Variants in SPIDR observed in about 807,000 individuals in gnomAD.
The protein encoded by SPIDR is DNA repair-scaffolding protein.
SPIDR carries 93 observed loss-of-function variants against 104.6 expected under a neutral mutation model. The ratio of observed to expected loss-of-function variants is 0.89; its 90% CI spans 0.75 to 1.06. The LOEUF (loss-of-function observed/expected upper bound fraction) is 1.06. SPIDR is among the 50% of genes least tolerant of loss of function. The probability of loss-of-function intolerance (pLI) is 0.00; values close to 1 mark genes in which losing one functional copy is unlikely to be tolerated. For missense variants in SPIDR, 1,154 were observed against 1,111.2 expected (o/e 1.04, Z -0.55); for synonymous variants, 431 against 416.9 (o/e 1.03, Z -0.41).
chr8:47,587,502 A>T (rs1006402372), intron 8 of SPIDR, among the ~76,000 whole-genome samples: 3 of 151,214 alleles, frequency 2.0e-5, no homozygotes, highest in Non-Finnish European at 2.9e-5. Flanking sequence ...GCTACCCGAG[A>T]GGCTGAGGTA....
chr8:47,655,375 C>T (rs2072560655), intron 10 of SPIDR, among the ~76,000 whole-genome samples: 1 of 152,220 alleles, frequency 6.6e-6, no homozygotes, highest in Non-Finnish European at 1.5e-5. Flanking sequence ...TCCACATCCT[C>T]TCCAGCACCT....
chr8:47,293,448 C>G (rs2040295569), intron 4 of SPIDR, among the ~76,000 whole-genome samples: 1 of 152,156 alleles, frequency 6.6e-6, no homozygotes, highest in Non-Finnish European at 1.5e-5. Context: ...ATACTTTTCA[C>G]TGTCTAAATT....
At chr8:47,554,658 C>G (rs1456170568) in intron 8 of SPIDR, among the ~76,000 whole-genome samples, 1 of 152,188 alleles carries the variant, frequency 6.6e-6, no homozygotes, top group Non-Finnish European at 1.5e-5. Flanking sequence ...GTCACGGCTT[C>G]CCTTCCTAGG....
intron 8 of SPIDR, among the ~76,000 whole-genome samples, chr8:47,493,148 A>G (rs966718192): frequency 6.6e-6 from 1 of 151,906 alleles, no homozygotes; most frequent in Non-Finnish European, 1.5e-5. Flanking sequence ...GGTTTGTTCT[A>G]TCTTTCTGCT....
At chr8:47,458,408 G>T (rs1430515180) in intron 8 of SPIDR, among the ~76,000 whole-genome samples, 1 of 139,190 alleles carries the variant, frequency 7.2e-6, no homozygotes, top group African/African-American at 2.7e-5. Flanking sequence ...TATTATAAAA[G>T]GGGTTGAGTT....
At chr8:47,654,990 C>T (rs1168992613) in intron 10 of SPIDR, among the ~76,000 whole-genome samples, 2 of 151,660 alleles carry the variant, frequency 1.3e-5, no homozygotes, top group Non-Finnish European at 1.5e-5. Context: ...GGTTTTCTGT[C>T]CCTGTGATAG....
chr8:47,443,550 G>A (rs1348242516), intron 8 of SPIDR, among the ~76,000 whole-genome samples: 3 of 116,460 alleles, frequency 2.6e-5, no homozygotes, highest in East Asian at 2.6e-4. Flanking sequence ...CAGCCTGGGC[G>A]ACAGAGCAAG....
At chr8:47,430,739 A>G (rs1429350197) in intron 7 of SPIDR, among the ~76,000 whole-genome samples, 1 of 152,230 alleles carries the variant, frequency 6.6e-6, no homozygotes, top group Non-Finnish European at 1.5e-5. Context: ...CCACATTTAT[A>G]AAAATAGAAA....
intron 19 of SPIDR, chr8:47,732,125 T>A: frequency 1.4e-6 from 1 of 702,572 alleles, no homozygotes; most frequent in Non-Finnish European, 2.6e-6. Context: ...CCACCCCTCT[T>A]TAGAGATCCA....
At chr8:47,531,596 A>G (rs1377100387) in intron 8 of SPIDR, among the ~76,000 whole-genome samples, 1 of 152,204 alleles carries the variant, frequency 6.6e-6, no homozygotes, top group East Asian at 1.9e-4. Context: ...TGAGGTCTGT[A>G]AAAGCTTCTG....
At chr8:47,511,446 C>A in intron 8 of SPIDR, 1 of 787,006 alleles carries the variant, frequency 1.3e-6, no homozygotes, top group Non-Finnish European at 2.3e-6. Context: ...CCTCCATATC[C>A]AAGTTCGCCT....
intron 8 of SPIDR, among the ~76,000 whole-genome samples, chr8:47,503,935 T>G (rs921408811): frequency 1.3e-5 from 2 of 152,238 alleles, no homozygotes; most frequent in Non-Finnish European, 2.9e-5. Context: ...TTGAAAATTC[T>G]TTTCTTTAAG....
At chr8:47,522,467 A>T (rs2084314279) in intron 8 of SPIDR, among the ~76,000 whole-genome samples, 1 of 152,186 alleles carries the variant, frequency 6.6e-6, no homozygotes, top group South Asian at 2.1e-4. Flanking sequence ...CTGCTGAAGG[A>T]TCCGAGCCAG....
intron 11 of SPIDR, among the ~76,000 whole-genome samples, chr8:47,693,410 G>A (rs769410118): frequency 6.6e-6 from 1 of 152,230 alleles, no homozygotes; most frequent in African/African-American, 2.4e-5. Context: ...TCATACTGAA[G>A]CGTTGAGGGA....
intron 5 of SPIDR, among the ~76,000 whole-genome samples, chr8:47,346,900 A>C (rs1554618538): frequency 6.6e-6 from 1 of 152,062 alleles, no homozygotes. Flanking sequence ...TTTCAAAAAA[A>C]CAGCCCCTGG....
At chr8:47,531,790 C>T (rs1410754087) in intron 8 of SPIDR, among the ~76,000 whole-genome samples, 1 of 152,188 alleles carries the variant, frequency 6.6e-6, no homozygotes, top group Non-Finnish European at 1.5e-5. Flanking sequence ...GATAAACTTA[C>T]GGGACCACTG....
intron 1 of SPIDR, among the ~76,000 whole-genome samples, chr8:47,277,497 CTGGGACCA>C: frequency 6.6e-6 from 1 of 151,616 alleles, no homozygotes; most frequent in East Asian, 1.9e-4. Context: ...TCCTGAGTAG[CTGGGACCA>C]CAGATGAACA....
At chr8:47,317,482 A>G (rs2045603513) in intron 5 of SPIDR, among the ~76,000 whole-genome samples, 1 of 152,162 alleles carries the variant, frequency 6.6e-6, no homozygotes, top group African/African-American at 2.4e-5. Context: ...AGCCCACCAC[A>G]GTTCAAGGAG....
At chr8:47,354,829 A>T (rs947501755) in intron 5 of SPIDR, among the ~76,000 whole-genome samples, 2 of 151,154 alleles carry the variant, frequency 1.3e-5, no homozygotes, top group African/African-American at 4.9e-5. Context: ...TTTTGTAGAG[A>T]TGGTGGTCTT....
Sources: allele counts gnomAD v4.1 joint callset (sites outside exome capture counted in the v4.1 genomes callset), GRCh38; gene constraint gnomAD v4.1.1; transcripts MANE v1.5; gene names NCBI Gene and HGNC (gene_info 2026-07-23, HGNC 2026-07-21).